The following DCDC1 variants were observed in gnomAD, a reference collection of about 807,000 sequenced individuals.
DCDC1 encodes the protein doublecortin domain containing 1, also known as doublecortin domain-containing protein 1.
In DCDC1, 200 loss-of-function variants were observed where a neutral mutation model predicts 178.3. That is an observed-to-expected ratio of 1.12 (90% confidence interval 1.00 to 1.26). The LOEUF (loss-of-function observed/expected upper bound fraction) is 1.26. DCDC1 is among the 50% of genes most tolerant of loss of function. DCDC1 has a pLI of 0.00. For synonymous variants in DCDC1, 690 were observed against 604.8 expected (o/e 1.14, Z -2.07); for missense variants, 1,983 against 1,749.2 (o/e 1.13, Z -2.38).
chr11:30,943,480 T>C (rs1947802211), intron 21 of DCDC1: 2 of 322,758 alleles, frequency 6.2e-6, no homozygotes, highest in Admixed American at 8.2e-5. Context: ...TTTAGATACT[T>C]TAAAATAACT....
At chr11:31,024,394 C>T (rs893416909) in intron 20 of DCDC1, among the ~76,000 whole-genome samples, 3 of 151,636 alleles carry the variant, frequency 2.0e-5, no homozygotes, top group Non-Finnish European at 4.4e-5. Context: ...CTCACACTCA[C>T]AATCTTAAGG....
Position 30,920,811 on chromosome 11 carries a change from A to T in DCDC1, c.3258T>A (p.Asp1086Glu). 1 of 1,613,630 alleles carries T rather than the reference A, an allele frequency of 6.2e-7. No individual in the cohort carries two copies. Among genetic ancestry groups the T allele is most frequent in the South Asian group, 1.1e-5 (1 of 91,034 alleles). ...TGGAAGCATTTTCCGTTGTTAGAGG[A>T]TCTTCTTGCATTTGCTTTTCTTCCG... ...TEPEEKQMQE[D>E]PLTTENASSE... Residue 1086 changes from aspartate to glutamate, a missense_variant, in exon 25 of 39, where the codon GAT becomes GAA. By Grantham distance (45) the Asp-to-Glu change is conservative. Transcript: ENST00000684477.
chr11:31,115,336 A>G (rs1959722322), intron 11 of DCDC1, among the ~76,000 whole-genome samples: 1 of 152,176 alleles, frequency 6.6e-6, no homozygotes, highest in Non-Finnish European at 1.5e-5. Context: ...GGTCTGGTTA[A>G]GAACTAGCTG....
intron 6 of DCDC1, among the ~76,000 whole-genome samples, chr11:31,294,056 T>C (rs961166579): frequency 6.6e-6 from 1 of 152,172 alleles, no homozygotes; most frequent in Non-Finnish European, 1.5e-5. Context: ...CATTCAACAA[T>C]ATTTACTGGG....
At chr11:31,301,965 G>T (rs1171823353) in intron 6 of DCDC1, among the ~76,000 whole-genome samples, 1 of 152,076 alleles carries the variant, frequency 6.6e-6, no homozygotes, top group African/African-American at 2.4e-5. Flanking sequence ...GGATCTAAAA[G>T]ATTTAAAATC....
intron 8 of DCDC1, among the ~76,000 whole-genome samples, chr11:31,247,318 A>G (rs926846090): frequency 5.3e-5 from 8 of 151,806 alleles, no homozygotes; most frequent in African/African-American, 1.9e-4. Context: ...TGCATTAAAT[A>G]TGCTGGCACA....
intron 20 of DCDC1, among the ~76,000 whole-genome samples, chr11:30,975,394 T>C (rs1436167704): frequency 1.3e-5 from 2 of 151,576 alleles, no homozygotes; most frequent in African/African-American, 2.4e-5. Flanking sequence ...AAGAAAAAAA[T>C]AAAAGGCATC....
At chr11:31,192,326 C>T (rs1271527546) in intron 9 of DCDC1, among the ~76,000 whole-genome samples, 1 of 152,072 alleles carries the variant, frequency 6.6e-6, no homozygotes, top group Non-Finnish European at 1.5e-5. Context: ...GGAAAAACCC[C>T]TTCGCATGAT....
intron 38 of DCDC1, among the ~76,000 whole-genome samples, chr11:30,871,839 CTT>C (rs1941599079): frequency 6.6e-6 from 1 of 151,714 alleles, no homozygotes; most frequent in Non-Finnish European, 1.5e-5. Flanking sequence ...CATGAGTACA[CTT>C]AGTGTATTAA....
chr11:30,887,994 A>G (rs1943328160), intron 36 of DCDC1, among the ~76,000 whole-genome samples: 1 of 149,310 alleles, frequency 6.7e-6, no homozygotes, highest in Non-Finnish European at 1.5e-5. Context: ...CAAGAGCAAA[A>G]TTCCGTCAAA....
At chr11:31,127,958 C>T (rs570957317) in intron 10 of DCDC1, among the ~76,000 whole-genome samples, 1 of 152,138 alleles carries the variant, frequency 6.6e-6, no homozygotes, top group South Asian at 2.1e-4. Context: ...AACTGTTTAA[C>T]AAAATAAAAC....
At chr11:31,059,434 T>C (rs953928610) in intron 20 of DCDC1, among the ~76,000 whole-genome samples, 5 of 152,040 alleles carry the variant, frequency 3.3e-5, no homozygotes, top group African/African-American at 1.2e-4. Context: ...TTCTTAAATA[T>C]AATGCCACGC....
At chr11:30,937,303 A>G (rs1011207599) in intron 21 of DCDC1, among the ~76,000 whole-genome samples, 1 of 152,102 alleles carries the variant, frequency 6.6e-6, no homozygotes, top group Non-Finnish European at 1.5e-5. Context: ...CCACCCCAGT[A>G]TTAACCCAAA....
chr11:31,212,639 G>C (rs545750614), intron 9 of DCDC1, among the ~76,000 whole-genome samples: 57 of 152,172 alleles, frequency 3.7e-4, no homozygotes, highest in African/African-American at 1.3e-3. Flanking sequence ...CTATCAGGCT[G>C]ACATGGGTGA....
At chr11:31,220,755 T>G (rs1304521317) in intron 9 of DCDC1, among the ~76,000 whole-genome samples, 1 of 152,190 alleles carries the variant, frequency 6.6e-6, no homozygotes, top group African/African-American at 2.4e-5. Context: ...CATAAGAAAA[T>G]TCCATCGACT....
Position 31,365,936 on chromosome 11 carries a change from T to C in DCDC1, c.-125+3761A>G, listed in dbSNP as rs142854088. On this transcript the variant is annotated intron_variant, in intron 1 of 38. Coordinates refer to ENST00000684477, the MANE Select transcript of DCDC1 (RefSeq NM_001387274.1). Reference sequence around the variant, plus strand: ...TGCTGTCATTTGCTCTCTTTGGAAATTCCTAAAATACTGTTATGAATGTCC... The same window carrying C: ...TGCTGTCATTTGCTCTCTTTGGAAACTCCTAAAATACTGTTATGAATGTCC... 3.3e-5 allele frequency among the ~76,000 whole-genome samples: 5 copies of C among 152,316 alleles called. No homozygotes were observed. In the East Asian group the frequency reaches 9.6e-4, roughly 29 times the overall value.
At chr11:30,910,518 T>C (rs1304666500) in intron 28 of DCDC1, among the ~76,000 whole-genome samples, 1 of 152,202 alleles carries the variant, frequency 6.6e-6, no homozygotes, top group East Asian at 1.9e-4. Context: ...GTTGCTTCAT[T>C]GCTATTAAAA....
At chr11:31,307,486 G>A (rs1591713254) in intron 4 of DCDC1, 153 bp downstream of exon 4, 2 of 925,350 alleles carry the variant, frequency 2.2e-6, no homozygotes, top group East Asian at 5.3e-5. Context: ...TTCTACTCTG[G>A]TGCTTTCAAA....
chr11:31,365,584 T>C (rs1444991817), intron 1 of DCDC1, among the ~76,000 whole-genome samples: 1 of 152,118 alleles, frequency 6.6e-6, no homozygotes, highest in Non-Finnish European at 1.5e-5. Context: ...TTGACTAGTA[T>C]GACATCAAAT....
Sources: allele counts gnomAD v4.1 joint callset (sites outside exome capture counted in the v4.1 genomes callset), GRCh38; gene constraint gnomAD v4.1.1; transcripts MANE v1.5; gene names NCBI Gene and HGNC (gene_info 2026-07-23, HGNC 2026-07-21).